The following HECTD4 variants were observed in gnomAD, a reference collection of about 807,000 sequenced individuals.
The protein encoded by HECTD4 is HECT domain E3 ubiquitin protein ligase 4.
A neutral mutation model predicts 471.5 loss-of-function variants in HECTD4; 114 were observed. That is an observed-to-expected ratio of 0.24 (90% CI 0.21 to 0.28). The LOEUF is 0.28. Among genes scored for constraint, HECTD4 ranks in the 10% least tolerant of loss-of-function variants. HECTD4 has a pLI of 1.00. For missense variants in HECTD4, 3,866 were observed against 5,651.5 expected (o/e 0.68, Z 10.13); for synonymous variants, 2,012 against 2,256.0 (o/e 0.89, Z 3.07).
chr12:112,233,126 C>T (rs761971476), intron 37 of HECTD4, 41 bp from the exon 38 acceptor site: 2 of 1,544,924 alleles, frequency 1.3e-6, no homozygotes, highest in African/African-American at 2.7e-5. Context: ...ACCTTACAGG[C>T]ACTGCCAAAA....
In HECTD4 at chr12:112,210,062, G is replaced by A; in HGVS notation, c.7820C>T (p.Thr2607Ile). The change falls in exon 50 of 76, where the codon ACT becomes ATT. Residue 2607 changes from threonine (T) to isoleucine (I), a missense_variant. Coordinates refer to ENST00000682272, the MANE Select transcript of HECTD4 (RefSeq NM_001388303.1). ...AGTSIASDPGTHGPPCRIAAV... is the reference protein window; with the variant it reads ...AGTSIASDPGIHGPPCRIAAV... ...AGCAATCCGGCATGGTGGCCCATGA[G>A]TGCCTGGGTCTGATGCAATACTGGT... is the stretch of plus-strand genomic sequence containing the variant. 6.2e-7 allele frequency: 1 copy of A among 1,614,024 alleles called. No homozygotes were observed.
chr12:112,272,106 T>G (rs920643774), intron 11 of HECTD4, among the ~76,000 whole-genome samples: 1 of 152,184 alleles, frequency 6.6e-6, no homozygotes, highest in Non-Finnish European at 1.5e-5. Context: ...TGGGGTGCAA[T>G]GGCATGATCT....
At chr12:112,284,513 A>C (rs1421596504) in intron 7 of HECTD4, among the ~76,000 whole-genome samples, 1 of 152,252 alleles carries the variant, frequency 6.6e-6, no homozygotes, top group African/African-American at 2.4e-5. Flanking sequence ...CACAGCCAGG[A>C]AAGATTCCCA....
intron 3 of HECTD4, 60 bp downstream of exon 3, chr12:112,314,397 G>A: frequency 2.5e-6 from 2 of 793,022 alleles, no homozygotes; most frequent in Non-Finnish European, 4.2e-6. Context: ...AATAAAGGAA[G>A]CATTTGGCAC....
rs748914837 is a variant in HECTD4, at chr12:112,170,424, G to A, written c.11961C>T (p.Thr3987=). 5 of 1,613,740 alleles carry A rather than the reference G, an allele frequency of 3.1e-6. No individual in the cohort carries two copies. Among genetic ancestry groups the A allele is most frequent in the Non-Finnish European group, 4.2e-6 (5 of 1,179,878 alleles). The change falls in exon 69 of 76, where the codon ACC becomes ACT. Residue 3987 remains threonine, a synonymous_variant. Coordinates refer to ENST00000682272, the MANE Select transcript of HECTD4 (RefSeq NM_001388303.1). ...KGLIFYDTKV[T]VMNRVLNATV... is the part of the protein sequence containing the mutation. ...TGGCATTCAGCACTCGATTCATCAC[G>A]GTCACCTTCGTGTCATAGAAGATCA...
chr12:112,264,757 T>A (rs1355029233), intron 16 of HECTD4, among the ~76,000 whole-genome samples: 1 of 152,166 alleles, frequency 6.6e-6, no homozygotes, highest in Non-Finnish European at 1.5e-5. Context: ...TCCACGGACT[T>A]TCATAAATTA....
intron 14 of HECTD4, 49 bp downstream of exon 14, chr12:112,266,863 G>T: frequency 1.1e-6 from 1 of 911,016 alleles, no homozygotes; most frequent in Non-Finnish European, 1.8e-6. Flanking sequence ...GTTTCCTTGG[G>T]GACAAAAAAA....
chr12:112,363,448 T>C (rs1231998280), intron 1 of HECTD4, among the ~76,000 whole-genome samples: 3 of 152,082 alleles, frequency 2.0e-5, no homozygotes, highest in Admixed American at 2.0e-4. Context: ...TTAATGGACA[T>C]AGAATAGGTT....
At chr12:112,264,019 T>G in intron 17 of HECTD4, 65 bp downstream of exon 17, 1 of 1,448,496 alleles carries the variant, frequency 6.9e-7, no homozygotes, top group Non-Finnish European at 9.2e-7. Flanking sequence ...ACACAGAAAT[T>G]TAGCCAATTA....
At chr12:112,287,951 G>T (rs996173206) in intron 7 of HECTD4, among the ~76,000 whole-genome samples, 2 of 151,980 alleles carry the variant, frequency 1.3e-5, no homozygotes, top group Non-Finnish European at 2.9e-5. Flanking sequence ...AATGAATGAT[G>T]CATCCTTGTA....
At chr12:112,364,682 C>A (rs2036526851) in intron 1 of HECTD4, among the ~76,000 whole-genome samples, 2 of 151,858 alleles carry the variant, frequency 1.3e-5, no homozygotes. Flanking sequence ...TGAGCCGTGA[C>A]TGCGCGCCAC....
At chr12:112,296,013 T>C (rs557008312) in intron 7 of HECTD4, among the ~76,000 whole-genome samples, 8 of 152,272 alleles carry the variant, frequency 5.3e-5, no homozygotes, top group African/African-American at 1.9e-4. Flanking sequence ...GAAGCAGCCA[T>C]GTGGTTATCT....
Position 112,216,895 on chromosome 12 carries a change from T to G in HECTD4, c.7263A>C (p.Glu2421Asp). ...VQAPSFYWEIEIVSYGDTDDD... is the reference protein window; with the variant it reads ...VQAPSFYWEIDIVSYGDTDDD... Reference sequence around the variant, plus strand: ...CATCGGTGTCTCCATAGGAAACGATTTCAATTTCCCAGTAAAAAGACGGGG... The same window carrying G: ...CATCGGTGTCTCCATAGGAAACGATGTCAATTTCCCAGTAAAAAGACGGGG... The change falls in exon 47 of 76, where the codon GAA becomes GAC. Residue 2421 changes from glutamate to aspartate, a missense_variant. By Grantham distance (45) the Glu-to-Asp change is conservative. Transcript: ENST00000682272. 1.2e-6 allele frequency: 2 copies of G among 1,613,918 alleles called. No homozygotes were observed.
chr12:112,196,978 T>C (rs1397647903), intron 55 of HECTD4, among the ~76,000 whole-genome samples: 1 of 151,882 alleles, frequency 6.6e-6, no homozygotes, highest in East Asian at 1.9e-4. Flanking sequence ...GTATTTTTAG[T>C]AGAGACGGGG....
intron 1 of HECTD4, chr12:112,321,860 G>A (rs1280197074): frequency 6.6e-6 from 1 of 151,746 alleles, no homozygotes; most frequent in African/African-American, 2.4e-5. Flanking sequence ...TACTCAATTA[G>A]CAAAGGAGAA....
intron 1 of HECTD4, among the ~76,000 whole-genome samples, chr12:112,329,588 G>A (rs908605453): frequency 3.9e-5 from 6 of 152,166 alleles, no homozygotes; most frequent in African/African-American, 7.2e-5. Flanking sequence ...GGCTGGTCTC[G>A]AATTCCTGGC....
chr12:112,293,927 T>C (rs537923127), intron 7 of HECTD4, among the ~76,000 whole-genome samples: 17 of 152,260 alleles, frequency 1.1e-4, no homozygotes, highest in African/African-American at 3.6e-4. Context: ...GGAGGCAAGG[T>C]CTCACTCTGT....
At chr12:112,229,973 C>T in intron 40 of HECTD4, 93 bp from the exon 41 acceptor site, 1 of 1,205,100 alleles carries the variant, frequency 8.3e-7, no homozygotes, top group East Asian at 2.6e-5. Flanking sequence ...GCCTGGGTCC[C>T]ATGTATTGAA....
intron 44 of HECTD4, among the ~76,000 whole-genome samples, chr12:112,226,197 A>ACACACACACACACACACT (rs1406944256): frequency 3.3e-5 from 5 of 151,914 alleles, no homozygotes; most frequent in East Asian, 3.9e-4. Context: ...TTCCATACAC[A>ACACACACACACACACACT]CACACACACA....
Sources: gnomAD v4.1 joint callset for allele counts (sites outside exome capture counted in the v4.1 genomes callset) on GRCh38, gnomAD v4.1.1 for gene constraint, MANE v1.5 for transcripts, NCBI Gene and HGNC (gene_info 2026-07-23, HGNC 2026-07-21) for gene names.